The following ASTN2 variants were observed in gnomAD, a reference collection of about 807,000 sequenced individuals.
ASTN2 encodes astrotactin 2.
A neutral mutation model predicts 139.8 loss-of-function variants in ASTN2; 54 were observed. The observed-to-expected ratio is 0.39, with a 90% CI of 0.31 to 0.48. ASTN2 has a LOEUF of 0.48. Among genes scored for constraint, ASTN2 ranks in the 20% least tolerant of loss-of-function variants. The pLI is 0.95. For missense variants in ASTN2, 1,565 were observed against 1,725.1 expected (o/e 0.91, Z 1.64); for synonymous variants, 756 against 719.5 (o/e 1.05, Z -0.81).
At chr9:117,306,521 T>C (rs1835003454) in intron 1 of ASTN2, among the ~76,000 whole-genome samples, 1 of 152,150 alleles carries the variant, frequency 6.6e-6, no homozygotes. Context: ...TGAACCTCAC[T>C]TTTCTCACCT....
At chr9:117,059,417 G>T (rs1242143313) in intron 5 of ASTN2, among the ~76,000 whole-genome samples, 2 of 151,962 alleles carry the variant, frequency 1.3e-5, no homozygotes, top group Non-Finnish European at 2.9e-5. Flanking sequence ...TTCGAGAGCA[G>T]CCTGACCAAC....
intron 17 of ASTN2, among the ~76,000 whole-genome samples, chr9:116,621,759 A>G (rs1249087137): frequency 6.6e-6 from 1 of 152,250 alleles, no homozygotes; most frequent in Non-Finnish European, 1.5e-5. Context: ...ATAAATGGAC[A>G]TTGAAAAATA....
chr9:116,673,684 G>A lies in ASTN2; in HGVS notation c.2807-21891C>T, dbSNP rs114353848. 4.2e-3 allele frequency among the ~76,000 whole-genome samples: 645 copies of A among 152,290 alleles called. 8 individuals are homozygous for A. The highest frequency in any genetic ancestry group is 0.015 in the African/African-American group (603 of 41,576). ...TTATGCTCACACAAGGCAAAAAAAT[G>A]CCTGGGGCCACCAGAAGTTGGAAGA... On this transcript the variant is annotated intron_variant, in intron 16 of 22. Coordinates refer to ENST00000313400, the MANE Select transcript of ASTN2 (RefSeq NM_001365068.1).
intron 3 of ASTN2, chr9:117,181,257 C>T: frequency 3.9e-6 from 2 of 513,442 alleles, no homozygotes; most frequent in East Asian, 3.4e-5. Flanking sequence ...AGAATGCTCA[C>T]ATAACTATTT....
intron 1 of ASTN2, among the ~76,000 whole-genome samples, chr9:117,333,660 T>A (rs773620770): frequency 5.3e-5 from 8 of 152,140 alleles, no homozygotes; most frequent in Non-Finnish European, 1.2e-4. Context: ...CTTGCCCATT[T>A]TATTTTACTT....
chr9:117,397,953 C>T (rs984908158), intron 1 of ASTN2, among the ~76,000 whole-genome samples: 1 of 152,324 alleles, frequency 6.6e-6, no homozygotes, highest in East Asian at 1.9e-4. Context: ...TTCTCCTTTG[C>T]TGAGTTCAGT....
chr9:117,256,339 A>G (rs1833686016), intron 2 of ASTN2, among the ~76,000 whole-genome samples: 1 of 152,222 alleles, frequency 6.6e-6, no homozygotes, highest in African/African-American at 2.4e-5. Flanking sequence ...TGCAGTCCTC[A>G]GAAATGCCAC....
chr9:117,296,277 C>CAAAAAAAA (rs5900277), intron 1 of ASTN2, among the ~76,000 whole-genome samples: 37 of 70,986 alleles, frequency 5.2e-4, no homozygotes, highest in African/African-American at 1.9e-3. Flanking sequence ...GACTGCATCT[C>CAAAAAAAA]AAAAAAAAAA....
At chr9:116,888,671 C>G (rs548942511) in intron 10 of ASTN2, among the ~76,000 whole-genome samples, 84 of 150,826 alleles carry the variant, frequency 5.6e-4, no homozygotes, top group African/African-American at 1.9e-3. Context: ...TACAGGCACG[C>G]GCCACCACAC....
At chr9:116,769,495 G>C (rs1428164298) in intron 13 of ASTN2, among the ~76,000 whole-genome samples, 1 of 152,152 alleles carries the variant, frequency 6.6e-6, no homozygotes, top group Non-Finnish European at 1.5e-5. Context: ...GATGAGTTTG[G>C]AGAGACAAAC....
At chr9:116,939,004 C>T (rs1270990827) in intron 10 of ASTN2, among the ~76,000 whole-genome samples, 1 of 152,154 alleles carries the variant, frequency 6.6e-6, no homozygotes, top group African/African-American at 2.4e-5. Context: ...GGTACCCACT[C>T]TGTTATAAAA....
intron 4 of ASTN2, among the ~76,000 whole-genome samples, chr9:117,132,795 A>G (rs1829856418): frequency 6.6e-6 from 1 of 152,126 alleles, no homozygotes; most frequent in Admixed American, 6.5e-5. Flanking sequence ...CTGAGGGAAA[A>G]GGTTTCCTAA....
At chr9:117,245,064 C>T (rs201778723) in intron 2 of ASTN2, among the ~76,000 whole-genome samples, 20 of 151,896 alleles carry the variant, frequency 1.3e-4, no homozygotes, top group East Asian at 1.2e-3. Context: ...GTGGCTAAAG[C>T]ATTGAACAAA....
At chr9:116,451,165 G>A (rs946872661) in intron 20 of ASTN2, among the ~76,000 whole-genome samples, 4 of 152,170 alleles carry the variant, frequency 2.6e-5, no homozygotes, top group East Asian at 3.9e-4. Context: ...ACCTGGAAAC[G>A]GTGCTAGGCA....
intron 5 of ASTN2, among the ~76,000 whole-genome samples, chr9:117,095,180 G>A (rs1828809696): frequency 6.6e-6 from 1 of 152,150 alleles, no homozygotes; most frequent in Non-Finnish European, 1.5e-5. Context: ...TTTATCACTG[G>A]CATGGAATCC....
chr9:117,114,633 C>T (rs1162186296), intron 4 of ASTN2, among the ~76,000 whole-genome samples: 1 of 152,122 alleles, frequency 6.6e-6, no homozygotes, highest in Non-Finnish European at 1.5e-5. Context: ...TAGCTTTATA[C>T]ATAGCCCTGA....
chr9:117,207,858 T>C (rs1478390836), intron 3 of ASTN2, among the ~76,000 whole-genome samples: 1 of 152,172 alleles, frequency 6.6e-6, no homozygotes, highest in Non-Finnish European at 1.5e-5. Context: ...ACAAACTCTC[T>C]CAGCCTAGGT....
intron 10 of ASTN2, among the ~76,000 whole-genome samples, chr9:116,901,264 C>T (rs1281406650): frequency 1.3e-5 from 2 of 152,148 alleles, no homozygotes; most frequent in Non-Finnish European, 2.9e-5. Flanking sequence ...GTGGCTTACA[C>T]CCATAAGGAG....
intron 13 of ASTN2, among the ~76,000 whole-genome samples, chr9:116,758,788 C>T (rs1013983480): frequency 3.3e-5 from 5 of 152,136 alleles, no homozygotes; most frequent in Non-Finnish European, 5.9e-5. Context: ...GGGACCAGGG[C>T]CATTGTCTCT....
Sources: gnomAD v4.1 joint callset for allele counts (sites outside exome capture counted in the v4.1 genomes callset) on GRCh38, gnomAD v4.1.1 for gene constraint, MANE v1.5 for transcripts, NCBI Gene and HGNC (gene_info 2026-07-23, HGNC 2026-07-21) for gene names.